PPFIBP1: variants seen among roughly 807,000 people sequenced by gnomAD.
PPFIBP1 encodes the protein PPFIB scaffold protein 1.
Under a neutral mutation model 137.8 loss-of-function variants are expected in PPFIBP1, and 112 were observed. That is an observed-to-expected ratio of 0.81 (90% CI 0.70 to 0.95). The LOEUF is 0.95. PPFIBP1 is among the 40% of genes least tolerant of loss of function. The pLI is 0.00. For missense variants in PPFIBP1, 1,083 were observed against 1,196.6 expected (o/e 0.91, Z 1.40); for synonymous variants, 378 against 417.3 (o/e 0.91, Z 1.15).
intron 1 of PPFIBP1, among the ~76,000 whole-genome samples, chr12:27,575,592 A>T (rs2050489956): frequency 6.6e-6 from 1 of 152,162 alleles, no homozygotes; most frequent in Non-Finnish European, 1.5e-5. Flanking sequence ...GGATGTTAAG[A>T]GTTTGTTTGA....
At chr12:27,594,176 T>C in intron 2 of PPFIBP1, 1 of 176,106 alleles carries the variant, frequency 5.7e-6, no homozygotes, top group Non-Finnish European at 1.0e-5. Context: ...CCTTTTCTAT[T>C]TTTTTTTTTT....
chr12:27,553,026 C>G (rs942320217), intron 1 of PPFIBP1, among the ~76,000 whole-genome samples: 1 of 152,000 alleles, frequency 6.6e-6, no homozygotes, highest in Non-Finnish European at 1.5e-5. Flanking sequence ...CTTTGCTAAA[C>G]TTGGATTTTA....
Position 27,581,718 on chromosome 12 carries a change from A to T in PPFIBP1, c.-36+3479A>T, listed in dbSNP as rs991554740. 7.9e-5 allele frequency among the ~76,000 whole-genome samples: 12 copies of T among 152,310 alleles called. No individual in the cohort carries two copies. In the East Asian group the frequency reaches 1.4e-3, roughly 17 times the overall value. ...AATTTGTACTAAAAATTATAAAAAT[A>T]CTGCTTGGGGATGGCAGTCTTATTT... On this transcript the variant is annotated intron_variant, in intron 2 of 29. Transcript: ENST00000228425.
chr12:27,588,484 A>G (rs2052064151), intron 2 of PPFIBP1, among the ~76,000 whole-genome samples: 1 of 152,240 alleles, frequency 6.6e-6, no homozygotes, highest in African/African-American at 2.4e-5. Context: ...GACGCATGAC[A>G]GAAGGATCGA....
chr12:27,630,232 C>T (rs2057165007), intron 2 of PPFIBP1, among the ~76,000 whole-genome samples: 1 of 151,824 alleles, frequency 6.6e-6, no homozygotes, highest in Non-Finnish European at 1.5e-5. Flanking sequence ...TCAACCATAT[C>T]TATATTATGT....
At chr12:27,566,980 C>T (rs2049731879) in intron 1 of PPFIBP1, among the ~76,000 whole-genome samples, 1 of 152,206 alleles carries the variant, frequency 6.6e-6, no homozygotes, top group Non-Finnish European at 1.5e-5. Context: ...TTTGTGGCAC[C>T]TTTGCACATT....
chr12:27,632,402 A>G (rs1291475435), intron 2 of PPFIBP1, among the ~76,000 whole-genome samples: 1 of 152,172 alleles, frequency 6.6e-6, no homozygotes, highest in Non-Finnish European at 1.5e-5. Context: ...GTCTATTGGG[A>G]GAATCTACTG....
At position 27,672,432 on chromosome 12, in the gene PPFIBP1, G is replaced by A; in HGVS notation, c.1268G>A (p.Gly423Glu). The A allele has an allele frequency of 6.2e-7, 1 of 1,606,188 alleles. No homozygotes were observed. Among genetic ancestry groups the A allele is most frequent in the Non-Finnish European group, 8.5e-7 (1 of 1,173,538 alleles). ...KPETSFEEND[G>E]NIILGATVDT... ...TTTTGTTCTTTACATTTTAGTGATG[G>A]AAACATAATCCTTGGTGCCACTGTT... The change falls in exon 15 of 30, where the codon GGA becomes GAA. Residue 423 changes from glycine to glutamate, a missense_variant. Physicochemically the swap from Gly to Glu is moderately conservative, Grantham distance 98. Transcript: ENST00000228425.
chr12:27,688,635 T>C (rs1366620977), intron 26 of PPFIBP1, among the ~76,000 whole-genome samples: 5 of 152,208 alleles, frequency 3.3e-5, no homozygotes, highest in Non-Finnish European at 4.4e-5. Context: ...TTGTCCTCTT[T>C]CATGTTGAAT....
rs3842650 is a variant in PPFIBP1 at position 27,644,244 on chromosome 12, G to GTTTTTTTT, written c.271-1800_271-1793dup. Among the ~76,000 whole-genome samples, 122 of 117,746 alleles carry GTTTTTTTT rather than the reference G, an allele frequency of 1.0e-3. 3 individuals are homozygous for GTTTTTTTT. The East Asian group carries it at 0.018, about 18-fold the overall frequency. 77.2% of individuals were successfully genotyped at this position (117,746 alleles called of 152,430 possible). A position where few individuals can be genotyped will look rare whatever the true frequency, so the allele number is the denominator to read the frequency against. On this transcript the variant is annotated intron_variant, in intron 4 of 29. Coordinates refer to ENST00000228425, the MANE Select transcript of PPFIBP1 (RefSeq NM_003622.4). ...GGCGCACACCACCAAGCTTGGCTAA[G>GTTTTTTTT]TTTTTTTTTTTTTTTTTTTTTTTTT...
chr12:27,559,042 T>G (rs1457319336), intron 1 of PPFIBP1, among the ~76,000 whole-genome samples: 2 of 152,132 alleles, frequency 1.3e-5, no homozygotes, highest in African/African-American at 4.8e-5. Context: ...TTATTTTTTA[T>G]TTTTGTAGAA....
chr12:27,606,081 T>C (rs1947340597), intron 2 of PPFIBP1, among the ~76,000 whole-genome samples: 1 of 152,172 alleles, frequency 6.6e-6, no homozygotes, highest in South Asian at 2.1e-4. Flanking sequence ...TAAGAAAGGA[T>C]TAATAATTAA....
At chr12:27,608,939 G>T in intron 2 of PPFIBP1, 3 of 187,508 alleles carry the variant, frequency 1.6e-5, no homozygotes. Flanking sequence ...TGCCTTTTTG[G>T]GCTTTGTTTC....
chr12:27,578,228 C>G lies in PPFIBP1; in HGVS notation c.-47C>G, dbSNP rs1317013114. 7.9e-5 allele frequency: 12 copies of G among 152,116 alleles called. No homozygotes were observed. The highest frequency in any genetic ancestry group is 1.5e-4 in the Non-Finnish European group (10 of 68,026). The allele number at this position is 152,116 out of a possible 1,614,324, so 9.4% of individuals were successfully genotyped here. On this transcript the variant is annotated 5_prime_UTR_variant, in exon 2 of 30. Transcript: ENST00000228425. The stretch of plus-strand genomic sequence containing the variant: ...CTGAAATAAATCAGCTTTAAACCTG[C>G]TTTTTAAAAATGTAAGTGAACTCAC...
chr12:27,667,133 C>A, intron 12 of PPFIBP1, 33 bp from the exon 13 acceptor site: 1 of 1,497,342 alleles, frequency 6.7e-7, no homozygotes, highest in Non-Finnish European at 8.9e-7. Context: ...TCAAAAGCTG[C>A]TGTTGTCTTC....
chr12:27,608,337 A>G (rs895957516), intron 2 of PPFIBP1, among the ~76,000 whole-genome samples: 7 of 152,222 alleles, frequency 4.6e-5, no homozygotes, highest in African/African-American at 1.7e-4. Flanking sequence ...AAAAGCCAAC[A>G]TGAAAATAGA....
chr12:27,689,781 C>G (rs1311300710), intron 27 of PPFIBP1, among the ~76,000 whole-genome samples: 1 of 152,118 alleles, frequency 6.6e-6, no homozygotes, highest in Non-Finnish European at 1.5e-5. Flanking sequence ...TGCACTTCCA[C>G]CTAAAGGCTG....
chr12:27,655,647 G>A (rs1440807263), intron 8 of PPFIBP1, among the ~76,000 whole-genome samples: 2 of 152,164 alleles, frequency 1.3e-5, no homozygotes, highest in East Asian at 1.9e-4. Context: ...CTGCTGAGAA[G>A]CAGCACGGTG....
intron 4 of PPFIBP1, among the ~76,000 whole-genome samples, chr12:27,638,719 A>C (rs2057875579): frequency 2.0e-5 from 3 of 152,242 alleles, no homozygotes; most frequent in Admixed American, 6.5e-5. Context: ...GAGTTAGGTT[A>C]CAAACCACCC....
Sources: gnomAD v4.1 joint callset for allele counts (sites outside exome capture counted in the v4.1 genomes callset) on GRCh38, gnomAD v4.1.1 for gene constraint, MANE v1.5 for transcripts, NCBI Gene and HGNC (gene_info 2026-07-23, HGNC 2026-07-21) for gene names.